AGFG2: variants seen among roughly 807,000 people sequenced by gnomAD.
The protein encoded by AGFG2 is ArfGAP with FG repeats 2.
AGFG2 carries 31 observed loss-of-function variants against 48.0 expected under a neutral mutation model. The observed-to-expected ratio is 0.65, with a 90% CI of 0.49 to 0.87. The LOEUF is 0.87. Among genes scored for constraint, AGFG2 ranks in the 40% least tolerant of loss-of-function variants. The pLI is 0.00. For synonymous variants in AGFG2, 229 were observed against 260.8 expected (o/e 0.88, Z 1.18); for missense variants, 599 against 632.6 (o/e 0.95, Z 0.57).
chr7:100,542,290 C>T (rs1184129035), intron 1 of AGFG2, among the ~76,000 whole-genome samples: 1 of 152,228 alleles, frequency 6.6e-6, no homozygotes, highest in Non-Finnish European at 1.5e-5. Flanking sequence ...GCTGGGATTA[C>T]AGGCGTGAGC....
chr7:100,560,558 T>C (rs1417597633), intron 6 of AGFG2, among the ~76,000 whole-genome samples: 1 of 152,162 alleles, frequency 6.6e-6, no homozygotes, highest in Non-Finnish European at 1.5e-5. Flanking sequence ...AGTGGCATTG[T>C]AGCCTTGCCC....
At chr7:100,543,764 C>T (rs1043036788) in intron 1 of AGFG2, among the ~76,000 whole-genome samples, 3 of 152,120 alleles carry the variant, frequency 2.0e-5, no homozygotes, top group African/African-American at 4.8e-5. Context: ...AAACCTACAG[C>T]GTTGGTGTGA....
rs369342164 is a variant in AGFG2 at position 100,539,304 on chromosome 7, T to C, written c.-43T>C. 3.1e-5 allele frequency: 39 copies of C among 1,256,984 alleles called. No homozygotes were observed. The highest frequency in any genetic ancestry group is 3.7e-5 in the Non-Finnish European group (37 of 995,188). 77.9% of individuals were successfully genotyped at this position (1,256,984 alleles called of 1,614,324 possible). A position where few individuals can be genotyped will look rare whatever the true frequency, so the allele number is the denominator to read the frequency against. On this transcript the variant is annotated 5_prime_UTR_variant, in exon 1 of 12. Transcript: ENST00000300176. ...TGAGGAGGCGGGAAGGCGGCAGTGG[T>C]TGAAGGGGTGATTGCTGACTAGCGG...
Position 100,553,412 on chromosome 7 carries a change from A to G in AGFG2, c.497A>G (p.Gln166Arg), listed in dbSNP as rs1286148868. 6.2e-7 allele frequency: 1 copy of G among 1,614,208 alleles called. No individual in the cohort carries two copies. The highest frequency in any genetic ancestry group is 1.7e-5 in the Admixed American group (1 of 60,028). The change falls in exon 4 of 12, where the codon CAG becomes CGG. Residue 166 changes from glutamine (Q) to arginine (R), a missense_variant. Gln to Arg is a conservative substitution (Grantham distance 43). Coordinates refer to ENST00000300176, the MANE Select transcript of AGFG2 (RefSeq NM_006076.5). ...AAAGGCAGTGCCTCCACCCCTGTGC[A>G]GGGCTCCATCCCAGAAGGGAAGCCC... The part of the protein sequence containing the change: ...YTKGSASTPV[Q>R]GSIPEGKPLR...
intron 1 of AGFG2, among the ~76,000 whole-genome samples, chr7:100,540,269 A>C (rs905165556): frequency 5.9e-5 from 9 of 152,214 alleles, no homozygotes; most frequent in Admixed American, 2.6e-4. Flanking sequence ...GAAATCTAAG[A>C]GATGAGAGCC....
intron 6 of AGFG2, among the ~76,000 whole-genome samples, chr7:100,556,830 G>A (rs1032752378): frequency 6.6e-6 from 1 of 152,162 alleles, no homozygotes; most frequent in Non-Finnish European, 1.5e-5. Flanking sequence ...TTCTCACTGT[G>A]CCACTGTGAG....
intron 6 of AGFG2, 163 bp downstream of exon 6, chr7:100,555,898 G>A: frequency 1.0e-6 from 1 of 955,440 alleles, no homozygotes; most frequent in South Asian, 2.0e-5. Context: ...ACACATTCTT[G>A]TCAGGGAGAG....
At chr7:100,552,138 C>T (rs1800660297) in intron 3 of AGFG2, among the ~76,000 whole-genome samples, 1 of 151,474 alleles carries the variant, frequency 6.6e-6, no homozygotes, top group Non-Finnish European at 1.5e-5. Context: ...CCGAGCTACT[C>T]AGGAGGCTGA....
At position 100,562,747 on chromosome 7, in the gene AGFG2, G is replaced by A; in HGVS notation, c.1087+65G>A. 1.3e-6 allele frequency: 2 copies of A among 1,591,634 alleles called. No individual in the cohort carries two copies. The highest frequency in any genetic ancestry group is 1.7e-6 in the Non-Finnish European group (2 of 1,167,838). On this transcript the variant is annotated intron_variant, in intron 8 of 11. Coordinates refer to ENST00000300176, the MANE Select transcript of AGFG2 (RefSeq NM_006076.5). The surrounding 1 kb of genome is among the most constrained non-coding windows in gnomAD (Gnocchi z 5.4). ...GGCCAGGAGGAGTCTAAGGACTCTGGACAGGGTGGGAAGGGGAGAGATTGA... is the reference window on the plus strand; with the variant it reads ...GGCCAGGAGGAGTCTAAGGACTCTGAACAGGGTGGGAAGGGGAGAGATTGA...
rs1801003822 is a variant in AGFG2, at chr7:100,566,124, CAGGGCAGAGCCCGTCCCTGTCTGAACA to C, written c.*1136_*1162del. On this transcript the variant is annotated 3_prime_UTR_variant, in exon 12 of 12. Transcript: ENST00000300176. ...TGATAATGCTGCCATTGGCCAGAGA[CAGGGCAGAGCCCGTCCCTGTCTGAACA>C]AGAGTCCCGCATTAGCAATGAGAAG... 6.6e-6 allele frequency: 1 copy of C among 152,380 alleles called. No individual in the cohort carries two copies. Among genetic ancestry groups the C allele is most frequent in the East Asian group, 1.9e-4 (1 of 5,194 alleles). The allele number at this position is 152,380 out of a possible 1,614,324, so 9.4% of individuals were successfully genotyped here. A position where few individuals can be genotyped will look rare whatever the true frequency, so the allele number is the denominator to read the frequency against.
In AGFG2 at chr7:100,550,386, A is replaced by G; in HGVS notation, c.316-10A>G. The stretch of plus-strand genomic sequence containing the variant: ...CTGCTCCCACTCCTCTGACACCTTC[A>G]TTCTTTTAGGTTTGCCGGAAGATTT... On this transcript the variant is annotated splice_polypyrimidine_tract_variant and intron_variant, in intron 2 of 11. Transcript: ENST00000300176. 1.2e-6 allele frequency: 2 copies of G among 1,602,070 alleles called. No individual in the cohort carries two copies. Among genetic ancestry groups the G allele is most frequent in the East Asian group, 2.2e-5 (1 of 44,574 alleles).
At chr7:100,543,147 TC>T (rs1800453747) in intron 1 of AGFG2, among the ~76,000 whole-genome samples, 1 of 152,102 alleles carries the variant, frequency 6.6e-6, no homozygotes, top group Non-Finnish European at 1.5e-5. Context: ...CACTGCAACC[TC>T]CACCTCCTGG....
intron 4 of AGFG2, among the ~76,000 whole-genome samples, chr7:100,553,858 T>G (rs550651172): frequency 2.6e-5 from 4 of 152,304 alleles, no homozygotes; most frequent in African/African-American, 9.6e-5. Context: ...AGGGTTACCT[T>G]GGCTCATGTG....
At chr7:100,559,802 G>C (rs899369249) in intron 6 of AGFG2, among the ~76,000 whole-genome samples, 1 of 147,462 alleles carries the variant, frequency 6.8e-6, no homozygotes, top group Non-Finnish European at 1.5e-5. Context: ...TGGGCAATTG[G>C]AATGAGACCC....
intron 3 of AGFG2, among the ~76,000 whole-genome samples, chr7:100,551,064 A>AT (rs1415575604): frequency 6.4e-5 from 5 of 78,342 alleles, no homozygotes; most frequent in African/African-American, 2.2e-4. Flanking sequence ...ATATATATAT[A>AT]TATTTCTTTT....
intron 3 of AGFG2, 52 bp downstream of exon 3, chr7:100,550,563 T>C: frequency 7.2e-7 from 1 of 1,398,058 alleles, no homozygotes; most frequent in Non-Finnish European, 1.0e-6. Flanking sequence ...ACATTCTTCA[T>C]CTGACAGTCC....
chr7:100,564,133 T>C (rs887679954), intron 10 of AGFG2, 85 bp from the exon 11 acceptor site: 4 of 1,537,864 alleles, frequency 2.6e-6, no homozygotes, highest in South Asian at 1.2e-5. Flanking sequence ...GTTCCCTTAC[T>C]CCCCCAGTTT....
intron 1 of AGFG2, among the ~76,000 whole-genome samples, chr7:100,545,507 T>A (rs1801325161): frequency 6.6e-6 from 1 of 152,112 alleles, no homozygotes; most frequent in Non-Finnish European, 1.5e-5. Flanking sequence ...AGGTGCCCTG[T>A]GAAAAAGAAA....
chr7:100,540,370 A>C (rs1800400151), intron 1 of AGFG2, among the ~76,000 whole-genome samples: 1 of 152,088 alleles, frequency 6.6e-6, no homozygotes, highest in Non-Finnish European at 1.5e-5. Context: ...CACCTTTAAG[A>C]TCCCTGTTGC....
Sources: gnomAD v4.1 joint callset for allele counts (sites outside exome capture counted in the v4.1 genomes callset) on GRCh38, gnomAD v4.1.1 for gene constraint, Gnocchi (gnomAD v3.1) non-coding constraint, MANE v1.5 for transcripts, NCBI Gene and HGNC (gene_info 2026-07-23, HGNC 2026-07-21) for gene names.